Variants in AKT3 observed in about 807,000 individuals in gnomAD.
The protein encoded by AKT3 is AKT serine/threonine kinase 3, also known as RAC-gamma serine/threonine-protein kinase.
AKT3 carries 15 observed loss-of-function variants against 65.3 expected under a neutral mutation model. That is an observed-to-expected ratio of 0.23 (90% confidence interval 0.15 to 0.35). The LOEUF (loss-of-function observed/expected upper bound fraction) is 0.35, where lower values mean the gene tolerates loss of function less well. AKT3 is among the 10% of genes least tolerant of loss of function. AKT3 has a pLI of 1.00. For synonymous variants in AKT3, 206 were observed against 183.8 expected (o/e 1.12, Z -0.98); for missense variants, 243 against 576.5 (o/e 0.42, Z 5.92).
intron 2 of AKT3, among the ~76,000 whole-genome samples, chr1:243,798,530 G>T (rs576357313): frequency 6.9e-6 from 1 of 144,654 alleles, no homozygotes; most frequent in Non-Finnish European, 1.5e-5. Flanking sequence ...ATGAGACTTT[G>T]TGCCAGGCCT....
chr1:243,615,220 T>C (rs1678206410), intron 6 of AKT3, 59 bp from the exon 7 acceptor site: 4 of 1,284,008 alleles, frequency 3.1e-6, no homozygotes, highest in Non-Finnish European at 4.4e-6. Context: ...AATAATAATT[T>C]CACTATTTCT....
chr1:243,529,742 C>A (rs1242160948), intron 12 of AKT3, among the ~76,000 whole-genome samples: 2 of 152,086 alleles, frequency 1.3e-5, no homozygotes, highest in Non-Finnish European at 2.9e-5. Context: ...TGGCTTTGTT[C>A]TTTTTGCTTA....
At chr1:243,669,916 T>C (rs1212516777) in intron 3 of AKT3, among the ~76,000 whole-genome samples, 1 of 152,186 alleles carries the variant, frequency 6.6e-6, no homozygotes, top group African/African-American at 2.4e-5. Flanking sequence ...CTGTTCTTAC[T>C]AAACTTGCTA....
At chr1:243,602,206 A>G (rs1337796268) in intron 8 of AKT3, among the ~76,000 whole-genome samples, 1 of 152,204 alleles carries the variant, frequency 6.6e-6, no homozygotes, top group South Asian at 2.1e-4. Context: ...TTCATTTTTT[A>G]AAAATGTCTT....
chr1:243,507,173 T>C (rs1669721977), intron 13 of AKT3, among the ~76,000 whole-genome samples: 1 of 152,210 alleles, frequency 6.6e-6, no homozygotes, highest in African/African-American at 2.4e-5. Context: ...AGGAGCTGCC[T>C]GGACTCCTGG....
chr1:243,719,903 G>A (rs951238011), intron 2 of AKT3, among the ~76,000 whole-genome samples: 1 of 152,188 alleles, frequency 6.6e-6, no homozygotes, highest in Admixed American at 6.5e-5. Flanking sequence ...GGTGTATTAC[G>A]CGCAAACGGA....
chr1:243,597,570 G>A (rs1425445712), intron 8 of AKT3, among the ~76,000 whole-genome samples: 3 of 152,130 alleles, frequency 2.0e-5, no homozygotes, highest in Non-Finnish European at 4.4e-5. Flanking sequence ...GTCGCATGAT[G>A]GCTCACTGCA....
chr1:243,730,703 G>A (rs1171574703), intron 2 of AKT3, among the ~76,000 whole-genome samples: 11 of 152,220 alleles, frequency 7.2e-5, no homozygotes, highest in Admixed American at 6.5e-4. Flanking sequence ...CCCCCTGCTC[G>A]CCGAGCCGCG....
At chr1:243,601,666 G>A (rs540550081) in intron 8 of AKT3, among the ~76,000 whole-genome samples, 4 of 152,174 alleles carry the variant, frequency 2.6e-5, no homozygotes, top group East Asian at 1.9e-4. Context: ...GAACCCAAAC[G>A]TCTATCCAGG....
In AKT3 at chr1:243,620,431, A is replaced by AAC. The variant is rs1553416987; in HGVS notation, c.562-5271_562-5270insGT. Among the ~76,000 whole-genome samples, 237 of 149,954 alleles carry AAC rather than the reference A, an allele frequency of 1.6e-3. 91 individuals are homozygous for AAC. The highest frequency in any genetic ancestry group is 2.3e-3 in the Non-Finnish European group (157 of 67,054). ...ATTTGCATTTCCCTGATGAGTAGTG[A>AAC]TATGACACACTTTTACAAATTAAAC... On this transcript the variant is annotated intron_variant, in intron 6 of 13. Transcript: ENST00000673466.
At chr1:243,774,308 C>T (rs999945781) in intron 2 of AKT3, among the ~76,000 whole-genome samples, 34 of 152,176 alleles carry the variant, frequency 2.2e-4, no homozygotes, top group African/African-American at 8.2e-4. Flanking sequence ...ACTCCTTTCA[C>T]AAGAATTTTT....
At chr1:243,658,864 C>CAA (rs58117921) in intron 4 of AKT3, among the ~76,000 whole-genome samples, 23 of 82,864 alleles carry the variant, frequency 2.8e-4, no homozygotes, top group African/African-American at 5.6e-4. Flanking sequence ...CTTGTCTCTA[C>CAA]AAAAAAAAAA....
At chr1:243,845,599 A>AAAAAAAAAAAAAAAAG (rs1056722848) in intron 1 of AKT3, among the ~76,000 whole-genome samples, 1 of 146,526 alleles carries the variant, frequency 6.8e-6, no homozygotes, top group Non-Finnish European at 1.5e-5. Context: ...AAAAAAAAAA[A>AAAAAAAAAAAAAAAAG]AAAAGAAAAG....
At chr1:243,585,170 C>G (rs1411138689) in intron 8 of AKT3, among the ~76,000 whole-genome samples, 2 of 152,032 alleles carry the variant, frequency 1.3e-5, no homozygotes, top group Non-Finnish European at 2.9e-5. Flanking sequence ...AGGAATACAT[C>G]TAACCAAGAA....
chr1:243,762,494 G>C (rs1689549906), intron 2 of AKT3, among the ~76,000 whole-genome samples: 1 of 152,036 alleles, frequency 6.6e-6, no homozygotes, highest in Non-Finnish European at 1.5e-5. Context: ...CTATGTGACA[G>C]AGCGCATCAT....
chr1:243,850,832 C>T (rs975456972), upstream of AKT3, among the ~76,000 whole-genome samples: 7 of 152,000 alleles, frequency 4.6e-5, no homozygotes, highest in Non-Finnish European at 7.4e-5. Flanking sequence ...GGAGCGGGGG[C>T]AGTCGCTCCC....
At chr1:243,731,273 A>C (rs1244054317) in intron 2 of AKT3, among the ~76,000 whole-genome samples, 1 of 152,236 alleles carries the variant, frequency 6.6e-6, no homozygotes, top group East Asian at 1.9e-4. Flanking sequence ...GTTTTCTACC[A>C]TCCATACGTT....
chr1:243,816,522 T>A (rs748698255), intron 2 of AKT3, among the ~76,000 whole-genome samples: 1 of 152,096 alleles, frequency 6.6e-6, no homozygotes, highest in South Asian at 2.1e-4. Context: ...CTGAGAAAAA[T>A]TTTTAAATAG....
chr1:243,757,398 AC>A (rs1173880735), intron 2 of AKT3, among the ~76,000 whole-genome samples: 3 of 152,112 alleles, frequency 2.0e-5, no homozygotes, highest in African/African-American at 7.2e-5. Flanking sequence ...CGGGTGGATC[AC>A]CTGAGGTCAG....
Sources: allele counts gnomAD v4.1 joint callset (sites outside exome capture counted in the v4.1 genomes callset), GRCh38; gene constraint gnomAD v4.1.1; transcripts MANE v1.5; gene names NCBI Gene and HGNC (gene_info 2026-07-23, HGNC 2026-07-21).